FECH: variants seen among roughly 807,000 people sequenced by gnomAD.
The protein encoded by FECH is ferrochelatase.
Under a neutral mutation model 56.9 loss-of-function variants are expected in FECH, and 40 were observed. The observed-to-expected ratio is 0.70, with a 90% CI of 0.55 to 0.92. The LOEUF (loss-of-function observed/expected upper bound fraction) is 0.92. Among genes scored for constraint, FECH ranks in the 40% least tolerant of loss-of-function variants. The pLI, the probability that FECH is intolerant of heterozygous loss-of-function variation, is 0.00. For synonymous variants in FECH, 175 were observed against 198.6 expected (o/e 0.88, Z 1.00); for missense variants, 431 against 529.1 (o/e 0.81, Z 1.82).
rs929579066 is a variant in FECH, at chr18:57,548,565, A to T, written c.*2147T>A. The stretch of plus-strand genomic sequence containing the variant: ...ACCAGGGCAAACATTTGTATTTCAA[A>T]GTTGACCAACAGGATGACAATTCTC... On this transcript the variant is annotated 3_prime_UTR_variant, in exon 11 of 11. Transcript: ENST00000262093. 6.6e-6 allele frequency: 1 copy of T among 152,246 alleles called. No individual in the cohort carries two copies. Among genetic ancestry groups the T allele is most frequent in the East Asian group, 1.9e-4 (1 of 5,198 alleles). The allele number at this position is 152,246 out of a possible 1,614,324, so 9.4% of individuals were successfully genotyped here.
At chr18:57,559,681 G>T (rs1171342843) in intron 6 of FECH, among the ~76,000 whole-genome samples, 1 of 152,128 alleles carries the variant, frequency 6.6e-6, no homozygotes, top group Non-Finnish European at 1.5e-5. Context: ...AAATACATTA[G>T]TCAGGAATAG....
intron 2 of FECH, among the ~76,000 whole-genome samples, chr18:57,574,491 A>C (rs932892788): frequency 1.3e-5 from 2 of 152,234 alleles, no homozygotes; most frequent in Non-Finnish European, 2.9e-5. Context: ...GGAAGAAGCA[A>C]AAAGAAAGCA....
intron 1 of FECH, 106 bp from the exon 2 acceptor site, chr18:57,580,305 T>C (rs2051259026): frequency 2.1e-6 from 3 of 1,403,776 alleles, no homozygotes; most frequent in Admixed American, 3.8e-5. Flanking sequence ...AGAGATCCCA[T>C]GGCAGAAATG....
chr18:57,562,926 G>T lies in FECH; in HGVS notation c.653C>A (p.Thr218Lys). ...CCTGTCAATAGTGCTCCACTTCATC[G>T]TGGGCTTCCGTCCCACTTGATTATA... ...RYYNQVGRKP[T>K]MKWSTIDRWP... is the part of the protein sequence containing the mutation. The change falls in exon 6 of 11, where the codon ACG becomes AAG. Residue 218 changes from threonine to lysine, a missense_variant. Physicochemically the swap from Thr to Lys is moderately conservative, Grantham distance 78 (BLOSUM62 -1). Coordinates refer to ENST00000262093, the MANE Select transcript of FECH (RefSeq NM_000140.5). The T allele has an allele frequency of 6.2e-7, 1 of 1,614,052 alleles. No individual in the cohort carries two copies. Among genetic ancestry groups the T allele is most frequent in the South Asian group, 1.1e-5 (1 of 91,080 alleles).
chr18:57,583,331 C>A (rs527871541), intron 1 of FECH, among the ~76,000 whole-genome samples: 1 of 152,228 alleles, frequency 6.6e-6, no homozygotes, highest in African/African-American at 2.4e-5. Flanking sequence ...GGCAGCATTG[C>A]GTGGCGTAGA....
rs373648916 is a variant in FECH, at chr18:57,566,444, T to C, written c.598+3A>G. ...CTTTCCACTGTCAGAGAGATGCCCTTACCTGTGGTGGAGCAGCTGTACTGT... is the reference window on the plus strand; with the variant it reads ...CTTTCCACTGTCAGAGAGATGCCCTCACCTGTGGTGGAGCAGCTGTACTGT... On this transcript the variant is annotated splice_donor_region_variant and intron_variant, in intron 5 of 10. Transcript: ENST00000262093. 5 of 1,614,092 alleles carry C rather than the reference T, an allele frequency of 3.1e-6. No individual in the cohort carries two copies. Among genetic ancestry groups the C allele is most frequent in the Non-Finnish European group, 4.2e-6 (5 of 1,180,030 alleles).
At chr18:57,569,855 A>AC (rs1287540012) in intron 4 of FECH, among the ~76,000 whole-genome samples, 1 of 149,364 alleles carries the variant, frequency 6.7e-6, no homozygotes, top group African/African-American at 2.5e-5. Context: ...TTTTTTTGAG[A>AC]CAGGGTCTCA....
intron 4 of FECH, among the ~76,000 whole-genome samples, chr18:57,567,026 T>C (rs1384486789): frequency 6.6e-6 from 1 of 152,060 alleles, no homozygotes; most frequent in Non-Finnish European, 1.5e-5. Flanking sequence ...GAAGGTTAAC[T>C]GAACTACCCA....
intron 4 of FECH, among the ~76,000 whole-genome samples, chr18:57,569,674 C>T (rs1599000267): frequency 1.3e-5 from 2 of 151,852 alleles, no homozygotes; most frequent in African/African-American, 4.8e-5. Context: ...CCTTCTGCTT[C>T]AGCCTCCCAA....
intron 1 of FECH, among the ~76,000 whole-genome samples, chr18:57,581,875 C>A (rs187689485): frequency 2.7e-3 from 417 of 152,258 alleles, no homozygotes; most frequent in Admixed American, 4.5e-3. Flanking sequence ...AGATTTCCAA[C>A]CACCCAGATT....
In FECH at chr18:57,554,851, T is replaced by C; in HGVS notation, c.906A>G (p.Gln302=). ...EYCNPYRLVW[Q]SKVGPMPWLG... is the part of the protein sequence containing the mutation. ...CAGTGTGGAAGCCACTTACCTTGGA[T>C]TGCCACACCAGTCGGTAGGGGTTGC... is the stretch of plus-strand genomic sequence containing the variant. Residue 302 remains glutamine (Q), a synonymous_variant, in exon 8 of 11, where the codon CAA becomes CAG. Transcript: ENST00000262093. The C allele has an allele frequency of 3.7e-6, 6 of 1,613,834 alleles. No homozygotes were observed. Among genetic ancestry groups the C allele is most frequent in the Non-Finnish European group, 4.2e-6 (5 of 1,179,710 alleles).
chr18:57,559,036 T>C (rs2050904773), intron 7 of FECH, 109 bp downstream of exon 7: 1 of 776,296 alleles, frequency 1.3e-6, no homozygotes. Flanking sequence ...GAATTCATTC[T>C]TGCACTGGGC....
chr18:57,550,786 T>G lies in FECH; in HGVS notation c.1198A>C (p.Thr400Pro). ...QSNELCSKQL[T>P]LSCPLCVNPV... Reference sequence around the variant, plus strand: ...TTGACACAGAGCGGACAGCTCAGGGTCAGCTGCTTGGAACACAGCTCGTTT... The same window carrying G: ...TTGACACAGAGCGGACAGCTCAGGGGCAGCTGCTTGGAACACAGCTCGTTT... Residue 400 changes from threonine to proline, a missense_variant, in exon 11 of 11, where the codon ACC becomes CCC. Coordinates refer to ENST00000262093, the MANE Select transcript of FECH (RefSeq NM_000140.5). 4.3e-6 allele frequency: 7 copies of G among 1,614,090 alleles called. No individual in the cohort carries two copies. Among genetic ancestry groups the G allele is most frequent in the Non-Finnish European group, 5.9e-6 (7 of 1,180,006 alleles).
intron 5 of FECH, among the ~76,000 whole-genome samples, chr18:57,565,379 G>A (rs115467336): frequency 0.01 from 1,539 of 152,258 alleles, 28 homozygotes; most frequent in African/African-American, 0.036. Flanking sequence ...GCTGAGGTGG[G>A]TGGATCATTT....
In FECH at chr18:57,545,051, T is replaced by C. The variant is rs555862787; in HGVS notation, c.*5661A>G. 6.6e-6 allele frequency among the ~76,000 whole-genome samples: 1 copy of C among 152,214 alleles called. No homozygotes were observed. The highest frequency in any genetic ancestry group is 2.1e-4 in the South Asian group (1 of 4,830). ...GATTATCAAGGTTAAATCTATTCTT[T>C]CTTAACATGACAGGAAAGTAAAGCT... On this transcript the variant is annotated 3_prime_UTR_variant, in exon 11 of 11. Coordinates refer to ENST00000262093, the MANE Select transcript of FECH (RefSeq NM_000140.5).
At chr18:57,566,064 C>T (rs571496881) in intron 5 of FECH, among the ~76,000 whole-genome samples, 40 of 152,312 alleles carry the variant, frequency 2.6e-4, no homozygotes, top group Admixed American at 9.8e-4. Flanking sequence ...GGCATCTTTG[C>T]TTTCAAAATG....
At chr18:57,573,077 T>C in intron 3 of FECH, 169 bp downstream of exon 3, 1 of 715,048 alleles carries the variant, frequency 1.4e-6, no homozygotes, top group Non-Finnish European at 2.3e-6. Flanking sequence ...TCTCTCCCCC[T>C]GCAATTTTCT....
Position 57,554,883 on chromosome 18 carries a change from C to G in FECH, c.874G>C (p.Glu292Gln), listed in dbSNP as rs1210403780. The G allele has an allele frequency of 1.2e-6, 2 of 1,614,206 alleles. No individual in the cohort carries two copies. Among genetic ancestry groups the G allele is most frequent in the Admixed American group, 3.3e-5 (2 of 60,030 alleles). Residue 292 changes from glutamate (E) to glutamine (Q), a missense_variant, in exon 8 of 11, where the codon GAG becomes CAG. By Grantham distance (29) the Glu-to-Gln change is conservative. Transcript: ENST00000262093. ...ACCAGTCGGTAGGGGTTGCAGTACTCCAGCCTTTCCATGACTTTTTGGACA... is the reference window on the plus strand; with the variant it reads ...ACCAGTCGGTAGGGGTTGCAGTACTGCAGCCTTTCCATGACTTTTTGGACA... Reference protein sequence around the residue: ...ATVQKVMERLEYCNPYRLVWQ... With the variant: ...ATVQKVMERLQYCNPYRLVWQ...
At chr18:57,563,686 AACTG>A (rs1201284383) in intron 5 of FECH, among the ~76,000 whole-genome samples, 2 of 151,940 alleles carry the variant, frequency 1.3e-5, no homozygotes, top group Non-Finnish European at 2.9e-5. Flanking sequence ...GGAAAAAAGA[AACTG>A]ACCATTATCC....
Sources: gnomAD v4.1 joint callset for allele counts (sites outside exome capture counted in the v4.1 genomes callset) on GRCh38, gnomAD v4.1.1 for gene constraint, MANE v1.5 for transcripts, NCBI Gene and HGNC (gene_info 2026-07-23, HGNC 2026-07-21) for gene names.